Variants in MED13L observed in about 807,000 individuals in gnomAD.
MED13L encodes mediator complex subunit 13L.
Under a neutral mutation model 220.9 loss-of-function variants are expected in MED13L, and 7 were observed. That is an observed-to-expected ratio of 0.03 (90% confidence interval 0.02 to 0.06). The LOEUF (loss-of-function observed/expected upper bound fraction) is 0.06, where lower values mean the gene tolerates loss of function less well. MED13L is among the 10% of genes least tolerant of loss of function. The probability of loss-of-function intolerance (pLI) is 1.00; values close to 1 mark genes in which losing one functional copy is unlikely to be tolerated. For missense variants in MED13L, 1,965 were observed against 2,760.5 expected (o/e 0.71, Z 6.46); for synonymous variants, 1,011 against 1,015.2 (o/e 1.00, Z 0.08).
At chr12:116,137,873 T>TTTTTA (rs1876701844) in intron 2 of MED13L, among the ~76,000 whole-genome samples, 1 of 142,460 alleles carries the variant, frequency 7.0e-6, no homozygotes, top group African/African-American at 2.7e-5. Context: ...TTTTTTTTTT[T>TTTTTA]GAGATGGAGT....
At chr12:116,107,982 T>C (rs897049856) in intron 3 of MED13L, among the ~76,000 whole-genome samples, 1 of 151,758 alleles carries the variant, frequency 6.6e-6, no homozygotes, top group Non-Finnish European at 1.5e-5. Context: ...CCCAGCTGCT[T>C]AGGAGGCTGA....
At chr12:116,235,426 A>G (rs1379127299) in intron 2 of MED13L, among the ~76,000 whole-genome samples, 1 of 152,216 alleles carries the variant, frequency 6.6e-6, no homozygotes, top group Non-Finnish European at 1.5e-5. Flanking sequence ...TAATTAGAAA[A>G]TTAGAAAAAC....
rs1435904491 is a variant in MED13L at position 116,111,448 on chromosome 12, C to T, written c.375G>A (p.Ala125=). The change falls in exon 3 of 31, where the codon GCG becomes GCA. Residue 125 remains alanine (A), a synonymous_variant. Transcript: ENST00000281928. ...CTTACCTTTCTAACAGATTGTGGAT[C>T]GCTTTGAAGAGCAGCGTCCTACATT... ...SYECRTLLFK[A]IHNLLERCLM... 1.6e-5 allele frequency: 25 copies of T among 1,611,426 alleles called. No homozygotes were observed. Among genetic ancestry groups the T allele is most frequent in the Non-Finnish European group, 2.0e-5 (23 of 1,179,426 alleles).
At chr12:116,185,028 A>G (rs1203580352) in intron 2 of MED13L, among the ~76,000 whole-genome samples, 2 of 152,210 alleles carry the variant, frequency 1.3e-5, no homozygotes, top group Non-Finnish European at 2.9e-5. Context: ...CCAGGCATCT[A>G]AAATGTTTGT....
intron 3 of MED13L, among the ~76,000 whole-genome samples, chr12:116,108,035 A>G (rs1316922385): frequency 6.6e-6 from 1 of 152,034 alleles, no homozygotes; most frequent in Non-Finnish European, 1.5e-5. Context: ...GGTTGCAGTG[A>G]GCCGAGATCG....
At position 116,276,823 on chromosome 12, in the gene MED13L, T is replaced by C; in HGVS notation, c.72+237A>G. On this transcript the variant is annotated intron_variant, in intron 1 of 30. Transcript: ENST00000281928. ...AGCTCCGAGACTTCCACATGCAAATTCCACGCCGAGCGCCGCGCTCACAAA... is the reference window on the plus strand; with the variant it reads ...AGCTCCGAGACTTCCACATGCAAATCCCACGCCGAGCGCCGCGCTCACAAA... 8.9e-6 allele frequency: 10 copies of C among 1,124,180 alleles called. No individual in the cohort carries two copies. The South Asian group carries it at 1.6e-4, about 18-fold the overall frequency. The allele number at this position is 1,124,180 out of a possible 1,614,324, so 69.6% of individuals were successfully genotyped here. A position where few individuals can be genotyped will look rare whatever the true frequency, so the allele number is the denominator to read the frequency against.
At chr12:116,052,531 G>A (rs1868597719) in intron 4 of MED13L, among the ~76,000 whole-genome samples, 1 of 152,112 alleles carries the variant, frequency 6.6e-6, no homozygotes, top group African/African-American at 2.4e-5. Context: ...AAATGTCTTG[G>A]TGCCATCCTA....
At chr12:116,040,106 C>T (rs896684418) in intron 4 of MED13L, among the ~76,000 whole-genome samples, 11 of 152,084 alleles carry the variant, frequency 7.2e-5, no homozygotes, top group African/African-American at 2.7e-4. Context: ...GATATGTCTC[C>T]CAACAATAGG....
intron 4 of MED13L, among the ~76,000 whole-genome samples, chr12:116,057,451 T>C (rs1331502359): frequency 6.6e-6 from 1 of 151,950 alleles, no homozygotes; most frequent in African/African-American, 2.4e-5. Flanking sequence ...TCAGTATCCA[T>C]ATGATATCCA....
At chr12:116,211,675 G>T (rs2138353947) in intron 2 of MED13L, among the ~76,000 whole-genome samples, 1 of 152,226 alleles carries the variant, frequency 6.6e-6, no homozygotes, top group South Asian at 2.1e-4. Flanking sequence ...AAAAAAACAG[G>T]ATGGAAAAAT....
At chr12:116,051,721 A>G (rs1868523418) in intron 4 of MED13L, among the ~76,000 whole-genome samples, 1 of 152,320 alleles carries the variant, frequency 6.6e-6, no homozygotes, top group Non-Finnish European at 1.5e-5. Flanking sequence ...ATTTTGCACA[A>G]TATGTTAAAT....
rs147528384 is a variant in MED13L at position 116,138,509 on chromosome 12, T to C, written c.311-26997A>G. ...GGCCAAGCTGGAATGCTCACAAAGC[T>C]ACAGCGTCTTTTTATGGGTTCCATC... is the stretch of plus-strand genomic sequence containing the variant. On this transcript the variant is annotated intron_variant, in intron 2 of 30. Coordinates refer to ENST00000281928, the MANE Select transcript of MED13L (RefSeq NM_015335.5). Among the ~76,000 whole-genome samples the C allele has an allele frequency of 2.0e-5, 3 of 152,338 alleles. No individual in the cohort carries two copies. In the East Asian group the frequency reaches 5.8e-4, roughly 29 times the overall value.
intron 2 of MED13L, among the ~76,000 whole-genome samples, chr12:116,140,653 C>A (rs1290260843): frequency 6.6e-6 from 1 of 152,114 alleles, no homozygotes. Context: ...CAGAAAAGTA[C>A]GTAATTACAA....
intron 4 of MED13L, among the ~76,000 whole-genome samples, chr12:116,076,264 T>A (rs191682213): frequency 1.3e-5 from 2 of 152,222 alleles, no homozygotes; most frequent in Non-Finnish European, 2.9e-5. Context: ...GGGCCAAGCA[T>A]GGTGGCTCAT....
chr12:116,124,146 GAGAGAC>G (rs1304238127), intron 2 of MED13L, among the ~76,000 whole-genome samples: 8 of 148,288 alleles, frequency 5.4e-5, no homozygotes, highest in African/African-American at 2.0e-4. Flanking sequence ...GAGAGAGAGA[GAGAGAC>G]AGAGACAGAG....
chr12:116,184,394 TACA>T (rs1190093807), intron 2 of MED13L, among the ~76,000 whole-genome samples: 1 of 152,186 alleles, frequency 6.6e-6, no homozygotes, highest in Non-Finnish European at 1.5e-5. Flanking sequence ...GTGGAGTTTG[TACA>T]ACAATGAAGA....
intron 1 of MED13L, among the ~76,000 whole-genome samples, chr12:116,268,399 T>C (rs954441938): frequency 2.0e-5 from 3 of 152,212 alleles, no homozygotes; most frequent in Admixed American, 1.3e-4. Context: ...GTCAAACCAA[T>C]TATACTCTTC....
chr12:115,966,273 C>T, intron 28 of MED13L, 30 bp from the exon 29 acceptor site: 1 of 1,613,214 alleles, frequency 6.2e-7, no homozygotes, highest in Non-Finnish European at 8.5e-7. Context: ...AAAACATGAT[C>T]AGCATTTATC....
chr12:116,210,846 T>C (rs1307791262), intron 2 of MED13L, among the ~76,000 whole-genome samples: 1 of 151,852 alleles, frequency 6.6e-6, no homozygotes, highest in African/African-American at 2.4e-5. Flanking sequence ...AACTTCTAAA[T>C]AAAGCTAATG....
Sources: allele counts gnomAD v4.1 joint callset (sites outside exome capture counted in the v4.1 genomes callset), GRCh38; gene constraint gnomAD v4.1.1; transcripts MANE v1.5; gene names NCBI Gene and HGNC (gene_info 2026-07-23, HGNC 2026-07-21).